PRKAB1: variants seen among roughly 807,000 people sequenced by gnomAD.
PRKAB1 encodes 5'-AMP-activated protein kinase subunit beta-1.
In PRKAB1, 18 loss-of-function variants were observed where a neutral mutation model predicts 32.0. The observed-to-expected ratio is 0.56, with a 90% confidence interval of 0.39 to 0.83. The LOEUF (loss-of-function observed/expected upper bound fraction) is 0.83, where lower values mean the gene tolerates loss of function less well. PRKAB1 is among the 40% of genes least tolerant of loss of function. PRKAB1 has a pLI of 0.00. For synonymous variants in PRKAB1, 141 were observed against 141.4 expected (o/e 1.00, Z 0.02); for missense variants, 263 against 352.6 (o/e 0.75, Z 2.03).
At position 119,679,782 on chromosome 12, in the gene PRKAB1, G is replaced by A. The variant is rs542831688; in HGVS notation, c.667-151G>A. 2.7e-5 allele frequency: 21 copies of A among 768,724 alleles called. No individual in the cohort carries two copies. Among genetic ancestry groups the A allele is most frequent in the African/African-American group, 8.5e-5 (5 of 58,940 alleles). 47.6% of individuals were successfully genotyped at this position (768,724 alleles called of 1,614,324 possible). A position where few individuals can be genotyped will look rare whatever the true frequency, so the allele number is the denominator to read the frequency against. On this transcript the variant is annotated intron_variant, in intron 5 of 6. Transcript: ENST00000229328. This position sits in a 1 kb window ranked among gnomAD's most constrained non-coding sequence, Gnocchi z 4.1. ...AGGCGTGACCTTCATCTCACCTGTC[G>A]TCTTGGACAAGCCCTTGCGCTGCCT...
At position 119,680,278 on chromosome 12, in the gene PRKAB1, C is replaced by T; in HGVS notation, c.766C>T (p.Arg256Trp). 1.9e-6 allele frequency: 3 copies of T among 1,614,098 alleles called. No individual in the cohort carries two copies. The highest frequency in any genetic ancestry group is 2.2e-5 in the East Asian group (1 of 44,874). The change falls in exon 7 of 7, where the codon CGG (arginine) becomes TGG (tryptophan). Residue 256 changes from arginine to tryptophan, a missense_variant. Physicochemically the swap from Arg to Trp is moderately radical, Grantham distance 101 (BLOSUM62 -3). Coordinates refer to ENST00000229328, the MANE Select transcript of PRKAB1 (RefSeq NM_006253.5). ...AGTGATGGTGCTCAGCGCAACCCAC[C>T]GGTACAAGAAGAAGTACGTCACCAC... ...DGVMVLSATHRYKKKYVTTLL... is the reference protein window; with the variant it reads ...DGVMVLSATHWYKKKYVTTLL...
chr12:119,671,483 A>G, intron 1 of PRKAB1: 1 of 374,600 alleles, frequency 2.7e-6, no homozygotes, highest in South Asian at 2.0e-5. Context: ...GGTAAAAGGC[A>G]CCTCTTCACA....
At chr12:119,668,973 C>T (rs958477766) in intron 1 of PRKAB1, among the ~76,000 whole-genome samples, 1 of 151,878 alleles carries the variant, frequency 6.6e-6, no homozygotes. Context: ...ACTAATTAGC[C>T]GGGCGTGGTG....
Position 119,679,709 on chromosome 12 carries a change from C to T in PRKAB1, c.667-224C>T, listed in dbSNP as rs750305640. Reference sequence around the variant, plus strand: ...CGGGGTAAATGCCTGGCCAGAGACACACACCGATGCCTCCAGCAGGCATGC... The same window carrying T: ...CGGGGTAAATGCCTGGCCAGAGACATACACCGATGCCTCCAGCAGGCATGC... On this transcript the variant is annotated intron_variant, in intron 5 of 6. Transcript: ENST00000229328. This position sits in a 1 kb window ranked among gnomAD's most constrained non-coding sequence, Gnocchi z 4.1. The T allele has an allele frequency of 6.2e-5, 34 of 546,224 alleles. No homozygotes were observed. Among genetic ancestry groups the T allele is most frequent in the Non-Finnish European group, 9.6e-5 (29 of 301,074 alleles). 33.8% of individuals were successfully genotyped at this position (546,224 alleles called of 1,614,324 possible).
intron 1 of PRKAB1, among the ~76,000 whole-genome samples, chr12:119,668,809 AAGTT>A (rs1410684816): frequency 1.3e-5 from 2 of 152,244 alleles, no homozygotes; most frequent in African/African-American, 2.4e-5. Flanking sequence ...GCTTTTGTAA[AAGTT>A]AGTTTGGGAA....
At chr12:119,670,326 T>C (rs1183025712) in intron 1 of PRKAB1, among the ~76,000 whole-genome samples, 1 of 152,232 alleles carries the variant, frequency 6.6e-6, no homozygotes, top group East Asian at 1.9e-4. Flanking sequence ...GCTTGGCAGC[T>C]CATTCCATCT....
chr12:119,679,869 A>G lies in PRKAB1; in HGVS notation c.667-64A>G. ...TGTCCTTTGATATCTGGCACTGGGA[A>G]GTAAAGGGGAGAATCTTGGTTTCCA... On this transcript the variant is annotated intron_variant, in intron 5 of 6. Coordinates refer to ENST00000229328, the MANE Select transcript of PRKAB1 (RefSeq NM_006253.5). The surrounding 1 kb of genome is among the most constrained non-coding windows in gnomAD (Gnocchi z 4.1). 6.5e-7 allele frequency: 1 copy of G among 1,528,398 alleles called. No individual in the cohort carries two copies. The highest frequency in any genetic ancestry group is 1.7e-5 in the Admixed American group (1 of 59,872). The allele number at this position is 1,528,398 out of a possible 1,614,324, so 94.7% of individuals were successfully genotyped here.
At position 119,680,376 on chromosome 12, in the gene PRKAB1, C is replaced by T; in HGVS notation, c.*51C>T. 6.6e-7 allele frequency: 1 copy of T among 1,515,416 alleles called. No individual in the cohort carries two copies. Among genetic ancestry groups the T allele is most frequent in the Non-Finnish European group, 9.2e-7 (1 of 1,092,450 alleles). The allele number at this position is 1,515,416 out of a possible 1,614,324, so 93.9% of individuals were successfully genotyped here. A position where few individuals can be genotyped will look rare whatever the true frequency, so the allele number is the denominator to read the frequency against. ...GGAGACAGCACACCACCAGGCTCCA[C>T]ACGTGCATGCTTTCCCCAAGAGGGA... On this transcript the variant is annotated 3_prime_UTR_variant, in exon 7 of 7. Coordinates refer to ENST00000229328, the MANE Select transcript of PRKAB1 (RefSeq NM_006253.5).
At chr12:119,673,714 T>G in intron 2 of PRKAB1, 2 of 366,932 alleles carry the variant, frequency 5.5e-6, no homozygotes. Flanking sequence ...CCTTTTAACA[T>G]TAGGGATGTG....
Position 119,680,533 on chromosome 12 carries a change from A to C in PRKAB1, c.*208A>C. The stretch of plus-strand genomic sequence containing the variant: ...CTGTGACAGTCCTCCTAGCACCCCC[A>C]TGGCTTTGAGCCTCGGGGACTCATC... On this transcript the variant is annotated 3_prime_UTR_variant, in exon 7 of 7. Transcript: ENST00000229328. The C allele has an allele frequency of 1.7e-6, 1 of 584,522 alleles. No individual in the cohort carries two copies. Among genetic ancestry groups the C allele is most frequent in the South Asian group, 2.2e-5 (1 of 46,366 alleles). 36.2% of individuals were successfully genotyped at this position (584,522 alleles called of 1,614,324 possible).
At chr12:119,668,579 A>G (rs997924331) in intron 1 of PRKAB1, among the ~76,000 whole-genome samples, 176 bp downstream of exon 1, 2 of 152,204 alleles carry the variant, frequency 1.3e-5, no homozygotes, top group African/African-American at 4.8e-5. Context: ...CGGTCCAAGA[A>G]CCTGTGTCTA....
chr12:119,678,745 T>C (rs148205031), intron 5 of PRKAB1: 40 of 152,386 alleles, frequency 2.6e-4, no homozygotes, highest in African/African-American at 9.6e-4. Flanking sequence ...CTCATTTCTT[T>C]ATCCATTCAT....
chr12:119,680,288 A>G lies in PRKAB1; in HGVS notation c.776A>G (p.Lys259Arg), dbSNP rs901746495. Reference sequence around the variant, plus strand: ...CTCAGCGCAACCCACCGGTACAAGAAGAAGTACGTCACCACCTTGTTATAC... The same window carrying G: ...CTCAGCGCAACCCACCGGTACAAGAGGAAGTACGTCACCACCTTGTTATAC... ...MVLSATHRYK[K>R]KYVTTLLYKP... is the part of the protein sequence containing the mutation. The change falls in exon 7 of 7, where the codon AAG (lysine) becomes AGG (arginine). Residue 259 changes from lysine (K) to arginine (R), a missense_variant. Transcript: ENST00000229328. 6.2e-7 allele frequency: 1 copy of G among 1,614,054 alleles called. No homozygotes were observed. The highest frequency in any genetic ancestry group is 8.5e-7 in the Non-Finnish European group (1 of 1,180,036).
rs945518406 is a variant in PRKAB1, at chr12:119,681,005, C to T, written c.*680C>T. Reference sequence around the variant, plus strand: ...AAGGCCATTTTTTAAGTCACCACGTCTAGAAGTCACATGAACTCTGCTCAG... The same window carrying T: ...AAGGCCATTTTTTAAGTCACCACGTTTAGAAGTCACATGAACTCTGCTCAG... On this transcript the variant is annotated 3_prime_UTR_variant, in exon 7 of 7. Transcript: ENST00000229328. The T allele has an allele frequency of 2.6e-5, 4 of 152,670 alleles. No individual in the cohort carries two copies. Among genetic ancestry groups the T allele is most frequent in the African/African-American group, 9.6e-5 (4 of 41,462 alleles). The allele number at this position is 152,670 out of a possible 1,614,324, so 9.5% of individuals were successfully genotyped here. A position where few individuals can be genotyped will look rare whatever the true frequency, so the allele number is the denominator to read the frequency against.
chr12:119,676,400 C>G (rs10849690), intron 4 of PRKAB1, 137 bp from the exon 5 acceptor site: 277,464 of 1,104,448 alleles, frequency 0.25, 38,665 homozygotes, highest in Non-Finnish European at 0.29. Flanking sequence ...CTCTTGGAAC[C>G]AGTGCATCCT....
In PRKAB1 at chr12:119,679,926, C is replaced by G. The variant is rs751126229; in HGVS notation, c.667-7C>G. The G allele has an allele frequency of 7.4e-6, 12 of 1,613,928 alleles. No individual in the cohort carries two copies. The highest frequency in any genetic ancestry group is 9.3e-6 in the Non-Finnish European group (11 of 1,179,786). On this transcript the variant is annotated splice_polypyrimidine_tract_variant and splice_region_variant and intron_variant, in intron 5 of 6. Coordinates refer to ENST00000229328, the MANE Select transcript of PRKAB1 (RefSeq NM_006253.5). The surrounding 1 kb of genome is among the most constrained non-coding windows in gnomAD (Gnocchi z 4.1). ...AAATGCTCACCGCTGCCTTTGTTCC[C>G]TCACAGTGTGATCCAGCTTTGCTTC...
Position 119,668,304 on chromosome 12 carries a change from CCGGAGGGACAGCT to C in PRKAB1, c.64_76del (p.Arg22GlyfsTer12), listed in dbSNP as rs777079156. ...AGCGGCATGGTGGCCATAAGACGCC[CCGGAGGGACAGCT>C]CGGGGGGCACCAAGGACGGGGACAG... On this transcript the variant is annotated frameshift_variant, in exon 1 of 7. Transcript: ENST00000229328. LOFTEE classifies it high-confidence loss of function. 1 of 1,612,386 alleles carries C rather than the reference CCGGAGGGACAGCT, an allele frequency of 6.2e-7. No individual in the cohort carries two copies.
intron 4 of PRKAB1, among the ~76,000 whole-genome samples, chr12:119,675,439 T>C (rs1955416957): frequency 6.6e-6 from 1 of 152,174 alleles, no homozygotes; most frequent in African/African-American, 2.4e-5. Flanking sequence ...TTTAGAGATA[T>C]CATCTAGTTT....
Position 119,674,281 on chromosome 12 carries a change from T to G in PRKAB1, c.418-59T>G. The G allele has an allele frequency of 7.2e-7, 1 of 1,397,682 alleles. No homozygotes were observed. The highest frequency in any genetic ancestry group is 1.0e-6 in the Non-Finnish European group (1 of 994,512). The allele number at this position is 1,397,682 out of a possible 1,614,324, so 86.6% of individuals were successfully genotyped here. A position where few individuals can be genotyped will look rare whatever the true frequency, so the allele number is the denominator to read the frequency against. On this transcript the variant is annotated intron_variant, in intron 3 of 6. Transcript: ENST00000229328. This position sits in a 1 kb window ranked among gnomAD's most constrained non-coding sequence, Gnocchi z 4.3. Reference sequence around the variant, plus strand: ...TTCCAGCCAGGAATTCCAAGTCCTCTGAAGAATAACTCCGCAGACCTTCCA... The same window carrying G: ...TTCCAGCCAGGAATTCCAAGTCCTCGGAAGAATAACTCCGCAGACCTTCCA...
Sources: gnomAD v4.1 joint callset for allele counts (sites outside exome capture counted in the v4.1 genomes callset) on GRCh38, gnomAD v4.1.1 for gene constraint, Gnocchi (gnomAD v3.1) non-coding constraint, MANE v1.5 for transcripts, NCBI Gene and HGNC (gene_info 2026-07-23, HGNC 2026-07-21) for gene names.